Variants in ARHGAP6 observed in about 807,000 individuals in gnomAD.
The protein encoded by ARHGAP6 is rho GTPase-activating protein 6.
Under a neutral mutation model 55.7 loss-of-function variants are expected in ARHGAP6, and 16 were observed. The observed-to-expected ratio is 0.29, with a 90% CI of 0.19 to 0.44. ARHGAP6 has a LOEUF of 0.44. ARHGAP6 is among the 20% of genes least tolerant of loss of function. The pLI, the probability that ARHGAP6 is intolerant of heterozygous loss-of-function variation, is 1.00. For synonymous variants in ARHGAP6, 382 were observed against 360.9 expected (o/e 1.06, Z -0.66); for missense variants, 698 against 808.9 (o/e 0.86, Z 1.66).
chrX:11,241,078 CAAAA>C (rs59066875), intron 2 of ARHGAP6, among the ~76,000 whole-genome samples: 3 of 52,956 alleles, frequency 5.7e-5, no homozygotes, highest in African/African-American at 6.1e-5. Flanking sequence ...GCCTGGGCGA[CAAAA>C]AAAAAAAAAA....
At position 11,664,784 on chromosome X, in the gene ARHGAP6, C is replaced by A. The variant is rs769819219; in HGVS notation, c.45G>T (p.Ser15=). 22 of 1,202,691 alleles carry A rather than the reference C, an allele frequency of 1.8e-5. No homozygotes were observed. Among genetic ancestry groups the A allele is most frequent in the Non-Finnish European group, 2.1e-5 (19 of 892,644 alleles). ...CCGAGGCCGCGCTACTTGAAGCGGG[C>A]GAGGAACAGGAGAAGACGCTGTGGA... ...SLLHSVFSCS[S]PASSSAASAK... Residue 15 remains serine, a synonymous_variant, in exon 1 of 13, where the codon TCG becomes TCT. Coordinates refer to ENST00000337414, the MANE Select transcript of ARHGAP6 (RefSeq NM_013427.3).
intron 1 of ARHGAP6, among the ~76,000 whole-genome samples, chrX:11,651,443 A>G (rs1349056452): frequency 9.0e-6 from 1 of 111,584 alleles, no homozygotes; most frequent in Admixed American, 9.5e-5. Context: ...CTCCAGCTCT[A>G]TCCATGTTCC....
chrX:11,540,478 G>A (rs1476875843), intron 1 of ARHGAP6, among the ~76,000 whole-genome samples: 1 of 110,837 alleles, frequency 9.0e-6, no homozygotes, highest in Admixed American at 9.6e-5. Context: ...CTTTGGGGTA[G>A]AGAGCAGAGT....
chrX:11,571,895 A>G (rs1035990502), intron 1 of ARHGAP6, among the ~76,000 whole-genome samples: 7 of 109,122 alleles, frequency 6.4e-5, no homozygotes, highest in African/African-American at 2.3e-4. Context: ...AAAATAAAAA[A>G]TTATAAAGGA....
intron 2 of ARHGAP6, among the ~76,000 whole-genome samples, chrX:11,244,977 T>C (rs747063242): frequency 1.8e-5 from 2 of 112,244 alleles, no homozygotes; most frequent in South Asian, 3.7e-4. Flanking sequence ...TAGCATCATA[T>C]AGTGGCAGCA....
intron 1 of ARHGAP6, among the ~76,000 whole-genome samples, chrX:11,360,563 A>G (rs1455066397): frequency 4.6e-5 from 5 of 109,168 alleles, no homozygotes; most frequent in Non-Finnish European, 9.5e-5. Flanking sequence ...CTAAATGGGC[A>G]AAAACTGGAA....
chrX:11,399,165 G>C (rs1447573350), intron 1 of ARHGAP6, among the ~76,000 whole-genome samples: 1 of 110,838 alleles, frequency 9.0e-6, no homozygotes, highest in East Asian at 2.8e-4. Context: ...GTAGACTTGA[G>C]TGGTGTTTGT....
chrX:11,200,737 C>G (rs1284959564), intron 2 of ARHGAP6, among the ~76,000 whole-genome samples: 2 of 112,354 alleles, frequency 1.8e-5, no homozygotes, highest in Non-Finnish European at 3.8e-5. Flanking sequence ...TCAGCACTGT[C>G]CAAAGCCAGG....
intron 1 of ARHGAP6, among the ~76,000 whole-genome samples, chrX:11,480,269 G>A (rs749576784): frequency 1.8e-5 from 2 of 112,032 alleles, no homozygotes; most frequent in Non-Finnish European, 3.8e-5. Context: ...AAAGAATAAA[G>A]TATAGATATA....
chrX:11,430,364 T>C (rs1011311141), intron 1 of ARHGAP6, among the ~76,000 whole-genome samples: 2 of 112,568 alleles, frequency 1.8e-5, no homozygotes, highest in Non-Finnish European at 3.8e-5. Flanking sequence ...AATGTTCAAG[T>C]GCAATAGGAT....
chrX:11,424,272 T>G (rs1036755111), intron 1 of ARHGAP6, among the ~76,000 whole-genome samples: 1 of 112,618 alleles, frequency 8.9e-6, no homozygotes, highest in Non-Finnish European at 1.9e-5. Flanking sequence ...TGAGCTTAGA[T>G]TTCTTCAATC....
At chrX:11,235,601 ACT>A (rs900248804) in intron 2 of ARHGAP6, among the ~76,000 whole-genome samples, 8 of 109,612 alleles carry the variant, frequency 7.3e-5, no homozygotes, top group African/African-American at 2.3e-4. Context: ...AATTTTCGAA[ACT>A]CTTATGCTTT....
chrX:11,218,213 A>C (rs529297590), intron 2 of ARHGAP6, among the ~76,000 whole-genome samples: 1 of 111,965 alleles, frequency 8.9e-6, no homozygotes, highest in South Asian at 3.7e-4. Flanking sequence ...ATGGTTCCAT[A>C]TGAAATTCAA....
chrX:11,178,965 T>C (rs1295576919), intron 7 of ARHGAP6, among the ~76,000 whole-genome samples: 1 of 112,009 alleles, frequency 8.9e-6, no homozygotes, highest in Non-Finnish European at 1.9e-5. Flanking sequence ...GTTCCCTCCT[T>C]CTTCGTACCA....
chrX:11,361,933 T>A (rs1293738067), intron 1 of ARHGAP6, among the ~76,000 whole-genome samples: 1 of 111,773 alleles, frequency 8.9e-6, no homozygotes, highest in Non-Finnish European at 1.9e-5. Context: ...ATCAGAGAAA[T>A]GCAAATCAAA....
intron 1 of ARHGAP6, among the ~76,000 whole-genome samples, chrX:11,514,716 A>G (rs775242164): frequency 1.9e-4 from 21 of 111,276 alleles, no homozygotes; most frequent in East Asian, 2.8e-4. Flanking sequence ...AAAGTCCTCT[A>G]TGTGATTTTC....
chrX:11,544,250 A>C (rs2051190057), intron 1 of ARHGAP6, among the ~76,000 whole-genome samples: 1 of 112,558 alleles, frequency 8.9e-6, no homozygotes, highest in Non-Finnish European at 1.9e-5. Flanking sequence ...ACAATGCATG[A>C]CTACAGGATC....
chrX:11,248,309 T>C (rs1197932280), intron 2 of ARHGAP6, among the ~76,000 whole-genome samples: 1 of 111,889 alleles, frequency 8.9e-6, no homozygotes, highest in Non-Finnish European at 1.9e-5. Flanking sequence ...CAAATACAAG[T>C]ATGTATCTGT....
At chrX:11,438,015 C>T (rs1318492825) in intron 1 of ARHGAP6, among the ~76,000 whole-genome samples, 1 of 112,609 alleles carries the variant, frequency 8.9e-6, no homozygotes, top group Non-Finnish European at 1.9e-5. Context: ...AGGGTAGAAG[C>T]TTGCAACCTC....
Sources: gnomAD v4.1 joint callset for allele counts (sites outside exome capture counted in the v4.1 genomes callset) on GRCh38, gnomAD v4.1.1 for gene constraint, MANE v1.5 for transcripts, NCBI Gene and HGNC (gene_info 2026-07-23, HGNC 2026-07-21) for gene names.